PDIA6: variants seen among roughly 807,000 people sequenced by gnomAD.
PDIA6 encodes the protein protein disulfide-isomerase A6.
PDIA6 carries 29 observed loss-of-function variants against 58.4 expected under a neutral mutation model. The ratio of observed to expected loss-of-function variants is 0.50; its 90% CI spans 0.37 to 0.68. PDIA6 has a LOEUF of 0.68. PDIA6 is among the 30% of genes least tolerant of loss of function. The probability of loss-of-function intolerance (pLI) is 0.00; values close to 1 mark genes in which losing one functional copy is unlikely to be tolerated. For synonymous variants in PDIA6, 192 were observed against 202.6 expected, an observed-to-expected ratio of 0.95 and a Z score of 0.44; for missense variants, 480 against 551.0, an observed-to-expected ratio of 0.87 and a Z score of 1.29.
exon 1 of PDIA6, chr2:10,832,404 A>T: frequency 1.0e-6 from 1 of 985,374 alleles, no homozygotes; most frequent in Non-Finnish European, 1.2e-6. Context: ...ACGCCTCACA[A>T]ACACCACCTG....
upstream of PDIA6, among the ~76,000 whole-genome samples, chr2:10,834,432 C>G (rs989775264): frequency 6.6e-6 from 1 of 150,980 alleles, no homozygotes; most frequent in South Asian, 2.1e-4. Flanking sequence ...CCTCCTTCCA[C>G]GGAGGCCTGG....
At chr2:10,834,287 T>C (rs1667775920), upstream of PDIA6, among the ~76,000 whole-genome samples, 1 of 152,262 alleles carries the variant, frequency 6.6e-6, no homozygotes, top group South Asian at 2.1e-4. Context: ...CCTCTTTCTA[T>C]GTGGGCCACG....
At chr2:10,785,722 G>A (rs1386252937) in intron 11 of PDIA6, among the ~76,000 whole-genome samples, 3 of 152,114 alleles carry the variant, frequency 2.0e-5, no homozygotes, top group Non-Finnish European at 2.9e-5. Flanking sequence ...AACTTAAGCA[G>A]TCCACAAACT....
At chr2:10,818,908 C>T (rs941990354) in intron 2 of PDIA6, among the ~76,000 whole-genome samples, 2 of 152,030 alleles carry the variant, frequency 1.3e-5, no homozygotes, top group African/African-American at 2.4e-5. Context: ...TTTTTATCAC[C>T]CCAAACTGAA....
At position 10,818,520 on chromosome 2, in the gene PDIA6, TTATTTATTTATTTA is replaced by T. The variant is rs1275025992; in HGVS notation, c.34+740_34+753del. Among the ~76,000 whole-genome samples, 54 of 130,318 alleles carry T rather than the reference TTATTTATTTATTTA, an allele frequency of 4.1e-4. 1 individual carries two copies. The highest frequency in any genetic ancestry group is 1.2e-3 in the South Asian group (5 of 4,242). The allele number at this position is 130,318 out of a possible 152,430, so 85.5% of individuals were successfully genotyped here. On this transcript the variant is annotated intron_variant, in intron 2 of 13. Transcript: ENST00000381611. ...TTTATTTATTTATTTATTTATTTAT[TTATTTATTTATTTA>T]TTTTGAGATGGAGTTTTGCTCTTGT...
intron 1 of PDIA6, among the ~76,000 whole-genome samples, chr2:10,828,975 C>T (rs760674831): frequency 9.3e-4 from 142 of 152,292 alleles, no homozygotes; most frequent in Admixed American, 2.0e-3. Flanking sequence ...TGTATCATCA[C>T]GTTAACAGTG....
chr2:10,835,153 T>C (rs11890219), upstream of PDIA6, among the ~76,000 whole-genome samples: 10,251 of 152,070 alleles, frequency 0.067, 508 homozygotes, highest in African/African-American at 0.14. Flanking sequence ...AGCGCCTGTG[T>C]GTGTACTGTG....
chr2:10,801,363 G>A (rs1666504900), intron 2 of PDIA6, among the ~76,000 whole-genome samples: 1 of 152,130 alleles, frequency 6.6e-6, no homozygotes, highest in Admixed American at 6.5e-5. Flanking sequence ...ATTAACTAGT[G>A]GATCTAGATC....
intron 1 of PDIA6, among the ~76,000 whole-genome samples, chr2:10,806,025 TAAAA>T (rs80344702): frequency 0.17 from 11,119 of 66,262 alleles, 837 homozygotes; most frequent in Middle Eastern, 0.37. Context: ...AAAGTATAAT[TAAAA>T]AAAAAAAAAA....
chr2:10,820,949 C>A, intron 1 of PDIA6: 1 of 682,902 alleles, frequency 1.5e-6, no homozygotes. Flanking sequence ...GCTGCCACTT[C>A]AGGACCTGGG....
intron 11 of PDIA6, 67 bp downstream of exon 11, chr2:10,787,214 A>G: frequency 7.0e-7 from 1 of 1,423,324 alleles, no homozygotes; most frequent in South Asian, 1.2e-5. Flanking sequence ...ACCTAGTTCC[A>G]AATATAAACC....
chr2:10,821,884 A>T (rs1417544006), intron 1 of PDIA6, among the ~76,000 whole-genome samples: 1 of 151,828 alleles, frequency 6.6e-6, no homozygotes, highest in African/African-American at 2.4e-5. Flanking sequence ...TCAGCCTCTC[A>T]AAGTTTTGGG....
chr2:10,835,644 G>C (rs1252737436), upstream of PDIA6, among the ~76,000 whole-genome samples: 2 of 152,206 alleles, frequency 1.3e-5, no homozygotes, highest in Non-Finnish European at 2.9e-5. Flanking sequence ...AGGAAACCCA[G>C]CCTGGGTTTG....
intron 1 of PDIA6, among the ~76,000 whole-genome samples, chr2:10,803,595 T>G (rs2148554606): frequency 6.6e-6 from 1 of 152,362 alleles, no homozygotes; most frequent in Non-Finnish European, 1.5e-5. Context: ...TCTGCCACAT[T>G]GTGGATCAAG....
chr2:10,803,107 T>A (rs1011864583), intron 1 of PDIA6, among the ~76,000 whole-genome samples: 1 of 152,212 alleles, frequency 6.6e-6, no homozygotes, highest in African/African-American at 2.4e-5. Flanking sequence ...GAAGGGAAAA[T>A]AATTATTGTC....
upstream of PDIA6, chr2:10,812,931 G>C (rs985762474): frequency 5.5e-6 from 5 of 914,440 alleles, no homozygotes; most frequent in Non-Finnish European, 6.8e-6. Flanking sequence ...GAGGTTACCG[G>C]TTTGGTTTTT....
upstream of PDIA6, among the ~76,000 whole-genome samples, chr2:10,817,442 G>A (rs1223053561): frequency 6.6e-6 from 1 of 152,206 alleles, no homozygotes; most frequent in Non-Finnish European, 1.5e-5. Context: ...CCAGAGTTGA[G>A]AGTGACTCTT....
At chr2:10,830,778 CT>C (rs1013764464) in intron 1 of PDIA6, among the ~76,000 whole-genome samples, 4 of 152,206 alleles carry the variant, frequency 2.6e-5, no homozygotes, top group African/African-American at 9.6e-5. Flanking sequence ...GGCTGTGCCC[CT>C]GGACACACGG....
chr2:10,829,938 T>C (rs1404986609), intron 1 of PDIA6, among the ~76,000 whole-genome samples: 1 of 152,186 alleles, frequency 6.6e-6, no homozygotes, highest in Non-Finnish European at 1.5e-5. Flanking sequence ...GCAGGGCTTG[T>C]CCTCTGTGCT....
Sources: gnomAD v4.1 joint callset for allele counts (sites outside exome capture counted in the v4.1 genomes callset) on GRCh38, gnomAD v4.1.1 for gene constraint, MANE v1.5 for transcripts, NCBI Gene and HGNC (gene_info 2026-07-23, HGNC 2026-07-21) for gene names.